NFIB: variants seen among roughly 807,000 people sequenced by gnomAD.
NFIB encodes nuclear factor I B, also known as nuclear factor 1 B-type.
Under a neutral mutation model 61.5 loss-of-function variants are expected in NFIB, and 11 were observed. The observed-to-expected ratio is 0.18, with a 90% confidence interval of 0.11 to 0.30. NFIB has a LOEUF of 0.30. Ranked by LOEUF, NFIB falls within the 10% of genes least tolerant of loss-of-function variation. The probability of loss-of-function intolerance (pLI) is 1.00; values close to 1 mark genes in which losing one functional copy is unlikely to be tolerated. For synonymous variants in NFIB, 260 were observed against 216.5 expected (o/e 1.20, Z -1.76); for missense variants, 471 against 608.9 (o/e 0.77, Z 2.38).
the NFIB span, among the ~76,000 whole-genome samples, chr9:14,496,388 G>A: frequency 2.0e-5 from 3 of 152,192 alleles, no homozygotes; most frequent in African/African-American, 4.8e-5. Context: ...GAGGTCAGGT[G>A]TGGAATTTTC....
intron 2 of NFIB, among the ~76,000 whole-genome samples, chr9:14,190,732 C>A (rs575448687): frequency 9.2e-5 from 14 of 152,264 alleles, no homozygotes; most frequent in African/African-American, 2.9e-4. Context: ...AAATAGCTGA[C>A]ATGATTTTCC....
the NFIB span, among the ~76,000 whole-genome samples, chr9:14,440,787 C>T: frequency 6.6e-6 from 1 of 152,140 alleles, no homozygotes; most frequent in Non-Finnish European, 1.5e-5. Flanking sequence ...CTGCTTTGTT[C>T]ATGATGAAGT....
rs1332213738 is a variant in NFIB, at chr9:14,248,065, T to C, written c.562+58924A>G. On this transcript the variant is annotated intron_variant, in intron 2 of 10. Coordinates refer to ENST00000380953, the MANE Select transcript of NFIB (RefSeq NM_001190737.2). ...CTCCTGCCTCAGTCTCCTGAGTAGC[T>C]GGGACTAAAGGCATGCACCACCATG... 2.6e-5 allele frequency among the ~76,000 whole-genome samples: 4 copies of C among 151,914 alleles called. No homozygotes were observed. In the South Asian group the frequency reaches 8.3e-4, roughly 32 times the overall value.
intron 2 of NFIB, among the ~76,000 whole-genome samples, chr9:14,301,031 G>A (rs1015201182): frequency 1.3e-5 from 2 of 152,184 alleles, no homozygotes; most frequent in East Asian, 1.9e-4. Flanking sequence ...GGAAAAACAA[G>A]TAAGTAAATG....
At chr9:14,425,806 A>T in the NFIB span, among the ~76,000 whole-genome samples, 1 of 152,038 alleles carries the variant, frequency 6.6e-6, no homozygotes, top group Non-Finnish European at 1.5e-5. Context: ...CAACACATAG[A>T]GTAGCACCTT....
the NFIB span, among the ~76,000 whole-genome samples, chr9:14,416,445 G>C: frequency 6.6e-6 from 1 of 151,936 alleles, no homozygotes; most frequent in Admixed American, 6.6e-5. Flanking sequence ...GATAGTAATA[G>C]TGATGACCCT....
intron 10 of NFIB, among the ~76,000 whole-genome samples, chr9:14,100,244 A>T (rs2035539453): frequency 6.6e-6 from 1 of 152,152 alleles, no homozygotes; most frequent in Non-Finnish European, 1.5e-5. Context: ...ACTTACTATG[A>T]CCTGAAACTG....
At chr9:14,354,101 A>G (rs2061147943) in intron 1 of NFIB, among the ~76,000 whole-genome samples, 1 of 152,202 alleles carries the variant, frequency 6.6e-6, no homozygotes, top group Non-Finnish European at 1.5e-5. Context: ...TGATTAAATC[A>G]CTAATACACC....
At chr9:14,518,948 G>A in the NFIB span, among the ~76,000 whole-genome samples, 2 of 152,134 alleles carry the variant, frequency 1.3e-5, no homozygotes, top group African/African-American at 4.8e-5. Context: ...AAGGAGGAAG[G>A]GGAAAGTCCA....
At chr9:14,476,493 C>G in the NFIB span, among the ~76,000 whole-genome samples, 3,035 of 152,180 alleles carry the variant, frequency 0.02, 101 homozygotes, top group African/African-American at 0.07. Flanking sequence ...CATTAATAAG[C>G]TGTATTAATA....
chr9:14,442,005 C>T, the NFIB span, among the ~76,000 whole-genome samples: 1 of 152,310 alleles, frequency 6.6e-6, no homozygotes, highest in East Asian at 1.9e-4. Flanking sequence ...GTGCTAAACA[C>T]TTCACAGGAA....
At chr9:14,413,977 G>A in the NFIB span, among the ~76,000 whole-genome samples, 2 of 152,134 alleles carry the variant, frequency 1.3e-5, no homozygotes, top group Non-Finnish European at 2.9e-5. Flanking sequence ...GGGTTTGAAC[G>A]TCTCAATTTC....
intron 2 of NFIB, among the ~76,000 whole-genome samples, chr9:14,212,152 C>T (rs1413310395): frequency 2.0e-5 from 3 of 152,196 alleles, no homozygotes; most frequent in African/African-American, 7.2e-5. Context: ...GAAAGCCTAG[C>T]CTACGGCTGT....
At chr9:14,347,625 A>C (rs934758515) in intron 1 of NFIB, among the ~76,000 whole-genome samples, 1 of 132,924 alleles carries the variant, frequency 7.5e-6, no homozygotes, top group African/African-American at 2.8e-5. Flanking sequence ...CCAGCTCCCT[A>C]GGCGGTTGAA....
chr9:14,267,049 G>T (rs1159295759), intron 2 of NFIB, among the ~76,000 whole-genome samples: 1 of 152,054 alleles, frequency 6.6e-6, no homozygotes, highest in Non-Finnish European at 1.5e-5. Context: ...ACAGGGAAAA[G>T]AAGAAAACTA....
chr9:14,493,561 C>A, the NFIB span, among the ~76,000 whole-genome samples: 1 of 152,150 alleles, frequency 6.6e-6, no homozygotes, highest in African/African-American at 2.4e-5. Flanking sequence ...AAATAAACAT[C>A]TTGAGAGCAA....
At chr9:14,155,563 A>G (rs1253275360) in intron 4 of NFIB, among the ~76,000 whole-genome samples, 1 of 152,202 alleles carries the variant, frequency 6.6e-6, no homozygotes, top group Admixed American at 6.5e-5. Flanking sequence ...TCATGCAGAG[A>G]ACAGTGAATT....
chr9:14,185,248 A>G (rs576614335), intron 2 of NFIB, among the ~76,000 whole-genome samples: 15 of 152,286 alleles, frequency 9.8e-5, no homozygotes, highest in African/African-American at 3.6e-4. Context: ...GACCTTAGGA[A>G]CAATGCCGTG....
intron 6 of NFIB, among the ~76,000 whole-genome samples, chr9:14,129,515 C>T (rs1586890014): frequency 6.6e-6 from 1 of 151,438 alleles, no homozygotes; most frequent in African/African-American, 2.4e-5. Context: ...TAATCATGAA[C>T]CAAACTAGTG....
Sources: allele counts gnomAD v4.1 joint callset (sites outside exome capture counted in the v4.1 genomes callset), GRCh38; gene constraint gnomAD v4.1.1; transcripts MANE v1.5; gene names NCBI Gene and HGNC (gene_info 2026-07-23, HGNC 2026-07-21).